Variants in SCP2 observed in about 807,000 individuals in gnomAD.
SCP2 encodes SCP-2/3-oxoacyl-CoA thiolase.
SCP2 carries 48 observed loss-of-function variants against 71.4 expected under a neutral mutation model. That is an observed-to-expected ratio of 0.67 (90% CI 0.53 to 0.86). The LOEUF (loss-of-function observed/expected upper bound fraction) is 0.86. Among genes scored for constraint, SCP2 ranks in the 40% least tolerant of loss-of-function variants. The probability of loss-of-function intolerance (pLI) is 0.00; values close to 1 mark genes in which losing one functional copy is unlikely to be tolerated. For missense variants in SCP2, 560 were observed against 655.6 expected, an observed-to-expected ratio of 0.85 and a Z score of 1.59; for synonymous variants, 220 against 218.1, an observed-to-expected ratio of 1.01 and a Z score of -0.08.
At chr1:52,971,551 A>T (rs1657495040) in intron 6 of SCP2, among the ~76,000 whole-genome samples, 2 of 152,272 alleles carry the variant, frequency 1.3e-5, no homozygotes, top group South Asian at 4.1e-4. Flanking sequence ...TAACGTGTGT[A>T]CACGGGAACA....
At chr1:52,982,109 A>G (rs925197871) in intron 10 of SCP2, among the ~76,000 whole-genome samples, 1 of 151,944 alleles carries the variant, frequency 6.6e-6, no homozygotes, top group African/African-American at 2.4e-5. Context: ...CAACCTTGGC[A>G]CTATTGACAT....
At chr1:53,037,885 CACACACACACACACA>C (rs1663080187) in intron 13 of SCP2, among the ~76,000 whole-genome samples, 1 of 76,326 alleles carries the variant, frequency 1.3e-5, no homozygotes, top group African/African-American at 8.5e-5. Flanking sequence ...TACATACACA[CACACACACACACACA>C]CACACACACA....
intron 3 of SCP2, among the ~76,000 whole-genome samples, chr1:52,948,427 C>T (rs1236988109): frequency 2.6e-5 from 4 of 152,026 alleles, no homozygotes; most frequent in African/African-American, 7.2e-5. Flanking sequence ...AGGCGGATCA[C>T]GAGGTCAGGA....
chr1:53,012,412 G>C (rs58565009), intron 11 of SCP2, among the ~76,000 whole-genome samples: 6,704 of 152,262 alleles, frequency 0.044, 461 homozygotes, highest in African/African-American at 0.15. Context: ...TATTCTGAAT[G>C]CTCCTATGTA....
In SCP2 at chr1:52,994,623, A is replaced by G. The variant is rs1457426433; in HGVS notation, c.1081+6487A>G. 12 of 439,690 alleles carry G rather than the reference A, an allele frequency of 2.7e-5. No individual in the cohort carries two copies. The Admixed American group carries it at 3.8e-4, about 14-fold the overall frequency. The allele number at this position is 439,690 out of a possible 1,614,324, so 27.2% of individuals were successfully genotyped here. A position where few individuals can be genotyped will look rare whatever the true frequency, so the allele number is the denominator to read the frequency against. ...CTTGCTGCTCTAGCCTCTGGGGTGC[A>G]TTCCATCCTTTCAGCCTGCAACTAG... On this transcript the variant is annotated intron_variant, in intron 11 of 15. Coordinates refer to ENST00000371514, the MANE Select transcript of SCP2 (RefSeq NM_002979.5).
At chr1:53,035,062 G>A (rs142094477) in intron 13 of SCP2, among the ~76,000 whole-genome samples, 6,704 of 151,594 alleles carry the variant, frequency 0.044, 206 homozygotes, top group South Asian at 0.074. Context: ...CTGAGATCAC[G>A]CCACTGCACT....
At chr1:53,039,751 T>C (rs1443030587) in intron 14 of SCP2, among the ~76,000 whole-genome samples, 2 of 152,224 alleles carry the variant, frequency 1.3e-5, no homozygotes, top group Non-Finnish European at 2.9e-5. Context: ...TTTGCCTTAA[T>C]TCCTTGGGGA....
At position 52,971,167 on chromosome 1, in the gene SCP2, G is replaced by A. The variant is rs189001064; in HGVS notation, c.524-3602G>A. 7.2e-5 allele frequency among the ~76,000 whole-genome samples: 11 copies of A among 151,792 alleles called. No individual in the cohort carries two copies. In the East Asian group the frequency reaches 1.6e-3, roughly 21 times the overall value. On this transcript the variant is annotated intron_variant, in intron 6 of 15. Transcript: ENST00000371514. ...ATTTTTCTGTATTTTTAGTAGAGAC[G>A]GGGTTTCACCGTGTTAGCCAGGATG...
intron 11 of SCP2, among the ~76,000 whole-genome samples, chr1:53,009,396 C>T (rs1660840675): frequency 6.6e-6 from 1 of 152,176 alleles, no homozygotes; most frequent in Admixed American, 6.5e-5. Context: ...GCTACAGTAA[C>T]CAAAACAGCA....
chr1:52,985,277 A>G (rs1658886781), intron 10 of SCP2, among the ~76,000 whole-genome samples: 1 of 152,082 alleles, frequency 6.6e-6, no homozygotes, highest in Non-Finnish European at 1.5e-5. Context: ...TCCAAAATTG[A>G]GCTATGGATA....
chr1:52,946,439 C>G (rs1654804639), intron 2 of SCP2, among the ~76,000 whole-genome samples: 1 of 151,546 alleles, frequency 6.6e-6, no homozygotes, highest in South Asian at 2.1e-4. Context: ...GGTCTCAAAA[C>G]TCCTGGGCTC....
intron 13 of SCP2, among the ~76,000 whole-genome samples, chr1:53,035,183 A>C (rs1441501960): frequency 6.6e-6 from 1 of 152,170 alleles, no homozygotes. Context: ...GTAAGGCTGA[A>C]ATAAAGAAGA....
chr1:52,944,951 G>A (rs937713717), intron 2 of SCP2, among the ~76,000 whole-genome samples: 1 of 152,000 alleles, frequency 6.6e-6, no homozygotes, highest in Admixed American at 6.5e-5. Flanking sequence ...CTGGCCTGCT[G>A]TTAGCATTTA....
intron 12 of SCP2, among the ~76,000 whole-genome samples, chr1:53,026,588 G>A (rs557307969): frequency 5.3e-5 from 8 of 152,304 alleles, no homozygotes; most frequent in African/African-American, 1.7e-4. Flanking sequence ...TGGGAGGATC[G>A]ATTGAGCCCA....
At chr1:53,038,862 G>A (rs1663209367) in intron 13 of SCP2, 55 bp from the exon 14 acceptor site, 2 of 1,608,242 alleles carry the variant, frequency 1.2e-6, no homozygotes, top group Admixed American at 3.3e-5. Flanking sequence ...ATTTGCTTGA[G>A]GAGAAAGCCA....
At chr1:52,978,897 G>T (rs1658222623) in intron 9 of SCP2, among the ~76,000 whole-genome samples, 1 of 151,940 alleles carries the variant, frequency 6.6e-6, no homozygotes, top group Non-Finnish European at 1.5e-5. Flanking sequence ...TTGACCCTCA[G>T]CACTTTAAAA....
chr1:52,973,924 G>A (rs1427192259), intron 6 of SCP2, among the ~76,000 whole-genome samples: 6 of 152,116 alleles, frequency 3.9e-5, no homozygotes. Context: ...TTTATTGTTA[G>A]AAGATCACAA....
At chr1:53,042,186 G>C (rs1663482666) in intron 14 of SCP2, among the ~76,000 whole-genome samples, 1 of 151,886 alleles carries the variant, frequency 6.6e-6, no homozygotes, top group African/African-American at 2.4e-5. Flanking sequence ...GCCACTCTAA[G>C]GTGGTGTACA....
chr1:52,981,632 A>G (rs1477599593), intron 10 of SCP2, among the ~76,000 whole-genome samples: 1 of 151,530 alleles, frequency 6.6e-6, no homozygotes, highest in Non-Finnish European at 1.5e-5. Context: ...GGGTTTCACC[A>G]TGTTGCGCGG....
Sources: allele counts gnomAD v4.1 joint callset (sites outside exome capture counted in the v4.1 genomes callset), GRCh38; gene constraint gnomAD v4.1.1; transcripts MANE v1.5; gene names NCBI Gene and HGNC (gene_info 2026-07-23, HGNC 2026-07-21).